Variants in THUMPD2 observed in about 807,000 individuals in gnomAD.
THUMPD2 encodes U6 snRNA (guanine-N(2))-methyltransferase THUMPD2.
A neutral mutation model predicts 49.4 loss-of-function variants in THUMPD2; 56 were observed. That is an observed-to-expected ratio of 1.13 (90% CI 0.91 to 1.41). THUMPD2 has a LOEUF of 1.41. THUMPD2 is among the 40% of genes most tolerant of loss of function. The probability of loss-of-function intolerance (pLI) is 0.00; values close to 1 mark genes in which losing one functional copy is unlikely to be tolerated. For synonymous variants in THUMPD2, 237 were observed against 205.2 expected, an observed-to-expected ratio of 1.15 and a Z score of -1.32; for missense variants, 709 against 594.5, an observed-to-expected ratio of 1.19 and a Z score of -2.00.
chr2:39,765,072 T>C (rs879745662), intron 5 of THUMPD2, among the ~76,000 whole-genome samples: 2 of 152,194 alleles, frequency 1.3e-5, no homozygotes. Context: ...TTTTTATATA[T>C]AATAATTTAA....
At chr2:39,767,603 C>CCAAAAA (rs1677714855) in intron 4 of THUMPD2, among the ~76,000 whole-genome samples, 1 of 67,852 alleles carries the variant, frequency 1.5e-5, no homozygotes, top group Non-Finnish European at 2.5e-5. Context: ...GACTCCGTCT[C>CCAAAAA]AAAAAAAAAA....
intron 9 of THUMPD2, among the ~76,000 whole-genome samples, chr2:39,741,296 C>A (rs1673867984): frequency 6.6e-6 from 1 of 152,164 alleles, no homozygotes; most frequent in South Asian, 2.1e-4. Flanking sequence ...TACTATAAAT[C>A]CTTTGCTCCA....
intron 1 of THUMPD2, among the ~76,000 whole-genome samples, chr2:39,776,093 T>A (rs1679057270): frequency 6.6e-6 from 1 of 152,178 alleles, no homozygotes; most frequent in Non-Finnish European, 1.5e-5. Context: ...CTACTACTAG[T>A]CTTACAATAA....
In THUMPD2 at chr2:39,770,024, C is replaced by T. The variant is rs748700652; in HGVS notation, c.358G>A (p.Ala120Thr). The T allele has an allele frequency of 6.3e-7, 1 of 1,576,328 alleles. No homozygotes were observed. The highest frequency in any genetic ancestry group is 8.5e-7 in the Non-Finnish European group (1 of 1,169,894). ...SIWKNLLELD[A>T]KKEKLSQRDD... ...CTCTGAGAAAGTTTTTCCTTTTTTG[C>T]ATCAAGTTCAAGAAGATTTTTCCAA... The change falls in exon 3 of 10, where the codon GCA (alanine) becomes ACA (threonine). Residue 120 changes from alanine (A) to threonine (T), a missense_variant. Ala to Thr is a moderately conservative substitution (Grantham distance 58). Coordinates refer to ENST00000505747, the MANE Select transcript of THUMPD2 (RefSeq NM_025264.5).
chr2:39,768,349 G>T, intron 4 of THUMPD2, 75 bp downstream of exon 4: 1 of 1,238,506 alleles, frequency 8.1e-7, no homozygotes, highest in Non-Finnish European at 1.2e-6. Context: ...AAACGGAAAA[G>T]TATGATAAGA....
intron 3 of THUMPD2, chr2:39,768,731 T>C: frequency 4.3e-6 from 3 of 692,810 alleles, no homozygotes; most frequent in Non-Finnish European, 7.0e-6. Context: ...TGTCTACTCA[T>C]GCATAATCTC....
chr2:39,746,454 T>G (rs1200403684), intron 8 of THUMPD2, among the ~76,000 whole-genome samples: 2 of 152,196 alleles, frequency 1.3e-5, no homozygotes, highest in East Asian at 3.8e-4. Context: ...CCTAGAACCA[T>G]GAGCACCTGA....
At chr2:39,759,013 T>A (rs764941744) in intron 6 of THUMPD2, among the ~76,000 whole-genome samples, 2 of 152,104 alleles carry the variant, frequency 1.3e-5, no homozygotes, top group African/African-American at 4.8e-5. Flanking sequence ...AAATAGAGCA[T>A]GTCTCTGTGA....
At chr2:39,754,463 A>G (rs988879517) in intron 8 of THUMPD2, among the ~76,000 whole-genome samples, 6 of 152,156 alleles carry the variant, frequency 3.9e-5, no homozygotes, top group African/African-American at 1.2e-4. Context: ...TTTCCACTAC[A>G]ATAAAATTTC....
chr2:39,741,563 G>A (rs1378829603), intron 9 of THUMPD2, among the ~76,000 whole-genome samples: 1 of 152,106 alleles, frequency 6.6e-6, no homozygotes, highest in East Asian at 1.9e-4. Flanking sequence ...TACATTTGAG[G>A]AGAAAACTCA....
intron 4 of THUMPD2, among the ~76,000 whole-genome samples, chr2:39,766,793 C>T (rs565037049): frequency 2.2e-4 from 34 of 152,138 alleles, no homozygotes; most frequent in Non-Finnish European, 3.4e-4. Flanking sequence ...TAAATATTAA[C>T]AGCTTAATCA....
At chr2:39,738,139 A>G (rs1011542315) in intron 9 of THUMPD2, among the ~76,000 whole-genome samples, 1 of 151,708 alleles carries the variant, frequency 6.6e-6, no homozygotes, top group South Asian at 2.1e-4. Flanking sequence ...CAGGGAGCAG[A>G]GATTTCACAT....
At chr2:39,778,250 C>A (rs1322364940) in intron 1 of THUMPD2, among the ~76,000 whole-genome samples, 2 of 152,170 alleles carry the variant, frequency 1.3e-5, no homozygotes, top group African/African-American at 4.8e-5. Flanking sequence ...TATATTGATG[C>A]TTTTTAAGAT....
intron 8 of THUMPD2, 24 bp from the exon 9 acceptor site, chr2:39,744,502 C>G: frequency 7.0e-7 from 1 of 1,434,548 alleles, no homozygotes; most frequent in Non-Finnish European, 9.5e-7. Flanking sequence ...ATCAGAGAAT[C>G]CTATTACAGT....
chr2:39,746,676 A>G (rs1001242538), intron 8 of THUMPD2, among the ~76,000 whole-genome samples: 6 of 152,156 alleles, frequency 3.9e-5, no homozygotes, highest in African/African-American at 1.2e-4. Context: ...TGTTTTGAAG[A>G]AAAAAACTGC....
chr2:39,756,541 G>A (rs1400074745), intron 6 of THUMPD2, among the ~76,000 whole-genome samples: 1 of 152,062 alleles, frequency 6.6e-6, no homozygotes, highest in African/African-American at 2.4e-5. Flanking sequence ...AGCTGTGAAG[G>A]AGGGATGAGC....
At chr2:39,749,113 A>T (rs1675034365) in intron 8 of THUMPD2, among the ~76,000 whole-genome samples, 1 of 152,182 alleles carries the variant, frequency 6.6e-6, no homozygotes, top group Admixed American at 6.5e-5. Flanking sequence ...TTTCTGCTCC[A>T]TAGGTTTTAA....
intron 1 of THUMPD2, among the ~76,000 whole-genome samples, chr2:39,777,534 C>A (rs556148147): frequency 8.5e-5 from 13 of 152,284 alleles, no homozygotes; most frequent in African/African-American, 2.9e-4. Flanking sequence ...TAAATCATAA[C>A]ATGCACATAA....
At chr2:39,739,126 T>C (rs1412728788) in intron 9 of THUMPD2, among the ~76,000 whole-genome samples, 1 of 152,214 alleles carries the variant, frequency 6.6e-6, no homozygotes, top group Non-Finnish European at 1.5e-5. Flanking sequence ...CCTCCCACTC[T>C]GTCTTCCGTT....
Sources: allele counts gnomAD v4.1 joint callset (sites outside exome capture counted in the v4.1 genomes callset), GRCh38; gene constraint gnomAD v4.1.1; transcripts MANE v1.5; gene names NCBI Gene and HGNC (gene_info 2026-07-23, HGNC 2026-07-21).